LRP1B: variants seen among roughly 807,000 people sequenced by gnomAD.
LRP1B encodes LDL receptor related protein 1B.
A neutral mutation model predicts 556.6 loss-of-function variants in LRP1B; 217 were observed. The observed-to-expected ratio is 0.39, with a 90% confidence interval of 0.35 to 0.44. LRP1B has a LOEUF of 0.44. Ranked by LOEUF, LRP1B falls within the 20% of genes least tolerant of loss-of-function variation. The pLI is 1.00. For missense variants in LRP1B, 5,053 were observed against 5,620.8 expected, an observed-to-expected ratio of 0.90 and a Z score of 3.23; for synonymous variants, 2,047 against 1,865.8, an observed-to-expected ratio of 1.10 and a Z score of -2.50.
At chr2:140,405,564 A>G (rs941890487) in intron 66 of LRP1B, among the ~76,000 whole-genome samples, 1 of 152,216 alleles carries the variant, frequency 6.6e-6, no homozygotes, top group Non-Finnish European at 1.5e-5. Flanking sequence ...TGAGACTATT[A>G]TGAATACATT....
At chr2:140,415,078 G>T (rs2105254825) in intron 66 of LRP1B, among the ~76,000 whole-genome samples, 1 of 152,210 alleles carries the variant, frequency 6.6e-6, no homozygotes, top group East Asian at 1.9e-4. Flanking sequence ...GATACACCTT[G>T]GTCTCCTGCA....
At chr2:141,029,734 C>G (rs1305823105) in intron 11 of LRP1B, among the ~76,000 whole-genome samples, 1 of 152,086 alleles carries the variant, frequency 6.6e-6, no homozygotes, top group African/African-American at 2.4e-5. Flanking sequence ...AATAAACTTC[C>G]TAAGTCTCAA....
At chr2:141,942,248 A>C (rs1700830492) in intron 1 of LRP1B, among the ~76,000 whole-genome samples, 1 of 152,184 alleles carries the variant, frequency 6.6e-6, no homozygotes, top group Non-Finnish European at 1.5e-5. Flanking sequence ...CTTTTTAAAG[A>C]AGATTGACAG....
At chr2:140,772,084 T>C (rs1374825752) in intron 33 of LRP1B, among the ~76,000 whole-genome samples, 1 of 152,216 alleles carries the variant, frequency 6.6e-6, no homozygotes, top group African/African-American at 2.4e-5. Flanking sequence ...ATGTCCTGTA[T>C]CTGCCAGTTT....
chr2:140,550,766 A>G (rs1476292427), intron 43 of LRP1B, among the ~76,000 whole-genome samples: 1 of 152,136 alleles, frequency 6.6e-6, no homozygotes, highest in Non-Finnish European at 1.5e-5. Context: ...ATAGCATGTC[A>G]TTTCCTAGTC....
At chr2:141,031,402 C>T (rs1698367254) in intron 11 of LRP1B, among the ~76,000 whole-genome samples, 1 of 151,700 alleles carries the variant, frequency 6.6e-6, no homozygotes, top group Non-Finnish European at 1.5e-5. Context: ...TAATGATCTA[C>T]CTAATCTTTA....
At chr2:140,769,429 T>C in intron 34 of LRP1B, 85 bp from the exon 35 acceptor site, 1 of 1,342,504 alleles carries the variant, frequency 7.4e-7, no homozygotes, top group Non-Finnish European at 1.0e-6. Context: ...GTATTATTTT[T>C]AACAATCTTA....
chr2:141,631,015 C>T (rs78705708), intron 2 of LRP1B, among the ~76,000 whole-genome samples: 5,902 of 152,144 alleles, frequency 0.039, 372 homozygotes, highest in African/African-American at 0.13. Flanking sequence ...CTGCTATAAA[C>T]GACTGCCTGA....
At chr2:140,426,791 G>T (rs1022965133) in intron 66 of LRP1B, among the ~76,000 whole-genome samples, 1 of 152,126 alleles carries the variant, frequency 6.6e-6, no homozygotes, top group African/African-American at 2.4e-5. Context: ...TCTTCACATG[G>T]ACGTGCATGA....
Position 141,062,151 on chromosome 2 carries a change from A to G in LRP1B, c.1136T>C (p.Leu379Pro). The change falls in exon 8 of 91, where the codon CTA becomes CCA. Residue 379 changes from leucine (L) to proline (P), a missense_variant. Around this residue, in one of 5 missense-constraint regions of LRP1B, gnomAD observed 3,619 missense variants for 3,931.9 expected, o/e 0.92. Transcript: ENST00000389484. ...TEQPAALALD[L>P]VNKLVYWVDL... ...TACCCAGTAAACCAATTTGTTGACT[A>G]GGTCTAGTGCCAGTGCAGCTGGCTG... 6.2e-7 allele frequency: 1 copy of G among 1,612,060 alleles called. No homozygotes were observed.
chr2:140,870,854 A>T (rs1169297357), intron 25 of LRP1B, among the ~76,000 whole-genome samples: 1 of 152,134 alleles, frequency 6.6e-6, no homozygotes, highest in Admixed American at 6.6e-5. Flanking sequence ...TTTAAAAAAA[A>T]TTTATGTCTA....
rs372264118 is a variant in LRP1B, at chr2:140,715,955, C to T, written c.6023+18G>A. ...ACTCACATAAAACTTGGAAGATATA[C>T]GTAAATCTTAAAATTACCCTTTCTC... On this transcript the variant is annotated intron_variant, in intron 37 of 90. Coordinates refer to ENST00000389484, the MANE Select transcript of LRP1B (RefSeq NM_018557.3). 143 of 1,547,740 alleles carry T rather than the reference C, an allele frequency of 9.2e-5. No homozygotes were observed. Among genetic ancestry groups the T allele is most frequent in the African/African-American group, 8.2e-4 (60 of 72,936 alleles).
chr2:141,060,276 A>C (rs1290731116), intron 8 of LRP1B, among the ~76,000 whole-genome samples: 1 of 151,748 alleles, frequency 6.6e-6, no homozygotes, highest in African/African-American at 2.4e-5. Context: ...TAGGTCGGAC[A>C]TAAAATATAA....
intron 3 of LRP1B, among the ~76,000 whole-genome samples, chr2:141,375,718 G>A (rs1020085581): frequency 2.6e-5 from 4 of 152,108 alleles, no homozygotes; most frequent in Admixed American, 6.6e-5. Context: ...TTTGGTCCTG[G>A]GACCAGATAA....
chr2:140,362,906 C>G (rs1682583356), intron 72 of LRP1B, among the ~76,000 whole-genome samples: 1 of 151,598 alleles, frequency 6.6e-6, no homozygotes, highest in Admixed American at 6.6e-5. Context: ...TTCGTGTTCA[C>G]TTCTTTCATC....
At chr2:140,311,250 C>CACAACAGGAAAAATATGCAGT (rs1453600550) in intron 83 of LRP1B, among the ~76,000 whole-genome samples, 1 of 151,752 alleles carries the variant, frequency 6.6e-6, no homozygotes, top group Non-Finnish European at 1.5e-5. Flanking sequence ...CAGCAATATT[C>CACAACAGGAAAAATATGCAGT]ACAACAGGAA....
intron 17 of LRP1B, 56 bp from the exon 18 acceptor site, chr2:140,982,332 G>A (rs1024908733): frequency 9.4e-6 from 10 of 1,058,770 alleles, no homozygotes; most frequent in Non-Finnish European, 1.3e-5. Flanking sequence ...TGAACATCAA[G>A]GATATAATTA....
chr2:141,974,364 T>C (rs1701824645), intron 1 of LRP1B, among the ~76,000 whole-genome samples: 1 of 151,988 alleles, frequency 6.6e-6, no homozygotes, highest in Non-Finnish European at 1.5e-5. Context: ...CTCAACTATG[T>C]TCAGAGATCA....
rs568941906 is a variant in LRP1B, at chr2:140,279,639, G to A, written c.12968-5041C>T. ...TATCTAATAAAATGAATACTTCATT[G>A]GTACTTAGCCCAGTGGAAACTGGCT... On this transcript the variant is annotated intron_variant, in intron 84 of 90. Transcript: ENST00000389484. Among the ~76,000 whole-genome samples the A allele has an allele frequency of 6.2e-4, 94 of 151,934 alleles. 1 individual carries two copies. The highest frequency in any genetic ancestry group is 2.2e-3 in the African/African-American group (92 of 41,496).
Sources: gnomAD v4.1 joint callset for allele counts (sites outside exome capture counted in the v4.1 genomes callset) on GRCh38, gnomAD v4.1.1 for gene constraint, gnomAD v4.1.1 regional missense constraint, MANE v1.5 for transcripts, NCBI Gene and HGNC (gene_info 2026-07-23, HGNC 2026-07-21) for gene names.